The following ITGAM variants were observed in gnomAD, a reference collection of about 807,000 sequenced individuals.
ITGAM encodes the protein integrin alpha-M.
A neutral mutation model predicts 137.5 loss-of-function variants in ITGAM; 79 were observed. The ratio of observed to expected loss-of-function variants is 0.57; its 90% CI spans 0.48 to 0.69. ITGAM has a LOEUF of 0.69. Among genes scored for constraint, ITGAM ranks in the 30% least tolerant of loss-of-function variants. ITGAM has a pLI of 0.00. For missense variants in ITGAM, 1,343 were observed against 1,483.5 expected, an observed-to-expected ratio of 0.91 and a Z score of 1.56; for synonymous variants, 583 against 592.3, an observed-to-expected ratio of 0.98 and a Z score of 0.23.
chr16:31,329,073 T>TGCCCCCTC, intron 23 of ITGAM, 155 bp from the exon 24 acceptor site: 3 of 426,234 alleles, frequency 7.0e-6, no homozygotes, highest in Non-Finnish European at 1.3e-5. Context: ...ACACATTGGT[T>TGCCCCCTC]CCCCCATCCC....
chr16:31,329,582 A>G (rs1037236307), intron 24 of ITGAM, among the ~76,000 whole-genome samples: 21 of 152,082 alleles, frequency 1.4e-4, no homozygotes, highest in African/African-American at 5.1e-4. Flanking sequence ...GGTTTACAGA[A>G]CAAGCTCGAG....
chr16:31,262,065 C>G (rs1008627353), intron 2 of ITGAM, among the ~76,000 whole-genome samples: 1 of 152,176 alleles, frequency 6.6e-6, no homozygotes, highest in Non-Finnish European at 1.5e-5. Context: ...CGGGGAGACT[C>G]TGTGTGTGCA....
At chr16:31,329,082 C>T in intron 23 of ITGAM, 146 bp from the exon 24 acceptor site, 1 of 575,442 alleles carries the variant, frequency 1.7e-6, no homozygotes, top group Non-Finnish European at 3.2e-6. Flanking sequence ...TTCCCCCATC[C>T]CCCTGCACCC....
intron 7 of ITGAM, 128 bp downstream of exon 7, chr16:31,272,120 C>A: frequency 9.2e-7 from 1 of 1,091,532 alleles, no homozygotes; most frequent in Non-Finnish European, 1.4e-6. Flanking sequence ...GGTGGGGAGG[C>A]TGTGCGTGGT....
At chr16:31,302,924 CT>C (rs1423548592) in intron 14 of ITGAM, among the ~76,000 whole-genome samples, 3 of 12,640 alleles carry the variant, frequency 2.4e-4, no homozygotes, top group African/African-American at 8.9e-4. Context: ...CTCCCTCTTT[CT>C]TTCTTTCTTT....
At position 31,303,563 on chromosome 16, in the gene ITGAM, G is replaced by A. The variant is rs75019120; in HGVS notation, c.1707+5609G>A. On this transcript the variant is annotated intron_variant, in intron 14 of 29. Coordinates refer to ENST00000544665, the MANE Select transcript of ITGAM (RefSeq NM_000632.4). ...TTAGTGCACCTGTCATCAAAGCAGC[G>A]TACACTGTACCAAATATATAGTCTT... Among the ~76,000 whole-genome samples, 1,246 of 152,178 alleles carry A rather than the reference G, an allele frequency of 8.2e-3. 13 individuals are homozygous for A. Among genetic ancestry groups the A allele is most frequent in the Non-Finnish European group, 0.012 (833 of 68,016 alleles).
At chr16:31,280,164 G>A (rs1194216444) in intron 12 of ITGAM, among the ~76,000 whole-genome samples, 1 of 152,178 alleles carries the variant, frequency 6.6e-6, no homozygotes, top group African/African-American at 2.4e-5. Context: ...TTGAAGTCAG[G>A]TAGCGTGATG....
Position 31,331,749 on chromosome 16 carries a change from A to T in ITGAM, c.*42A>T. On this transcript the variant is annotated 3_prime_UTR_variant, in exon 30 of 30. Coordinates refer to ENST00000544665, the MANE Select transcript of ITGAM (RefSeq NM_000632.4). Reference sequence around the variant, plus strand: ...GAGCTGCCTCTCGGTGGCCAGCAGGACTCTGCCCAGACCACACGTAGCCCC... The same window carrying T: ...GAGCTGCCTCTCGGTGGCCAGCAGGTCTCTGCCCAGACCACACGTAGCCCC... 6.8e-7 allele frequency: 1 copy of T among 1,476,132 alleles called. No individual in the cohort carries two copies. Among genetic ancestry groups the T allele is most frequent in the East Asian group, 2.4e-5 (1 of 42,006 alleles). 91.4% of individuals were successfully genotyped at this position (1,476,132 alleles called of 1,614,324 possible).
chr16:31,331,511 C>T, intron 29 of ITGAM, 125 bp from the exon 30 acceptor site: 1 of 597,018 alleles, frequency 1.7e-6, no homozygotes, highest in Non-Finnish European at 3.0e-6. Context: ...GGATGTCACT[C>T]CCCTCCCGCC....
At chr16:31,280,786 G>C (rs1216344283) in intron 12 of ITGAM, among the ~76,000 whole-genome samples, 1 of 152,176 alleles carries the variant, frequency 6.6e-6, no homozygotes, top group Non-Finnish European at 1.5e-5. Context: ...GGGCATCTCT[G>C]TCATGTGCCA....
intron 14 of ITGAM, among the ~76,000 whole-genome samples, chr16:31,304,245 C>T (rs1054628205): frequency 1.3e-5 from 2 of 151,902 alleles, no homozygotes; most frequent in African/African-American, 2.4e-5. Context: ...ATATGTTTAT[C>T]GGCCATTTGT....
Position 31,275,508 on chromosome 16 carries a change from T to C in ITGAM, c.859-41T>C, listed in dbSNP as rs200728885. 3.6e-5 allele frequency: 58 copies of C among 1,601,604 alleles called. No individual in the cohort carries two copies. The African/African-American group carries it at 7.6e-4, about 21-fold the overall frequency. On this transcript the variant is annotated intron_variant, in intron 8 of 29. Coordinates refer to ENST00000544665, the MANE Select transcript of ITGAM (RefSeq NM_000632.4). ...AATTGTCTTTGCCAGATGATATTGC[T>C]AGCCTCACACCATGATTTAGCCTCT... is the stretch of plus-strand genomic sequence containing the variant.
rs781377496 is a variant in ITGAM, at chr16:31,275,668, C to T, written c.978C>T (p.Asn326=). 1.9e-6 allele frequency: 3 copies of T among 1,613,768 alleles called. No individual in the cohort carries two copies. The African/African-American group carries it at 4.0e-5, about 22-fold the overall frequency. Residue 326 remains asparagine, a synonymous_variant, in exon 9 of 30, where the codon AAC becomes AAT. Coordinates refer to ENST00000544665, the MANE Select transcript of ITGAM (RefSeq NM_000632.4). ...TTGAGGCTCTGAAGACCATTCAGAA[C>T]CAGCTTCGGGAGAAGATCTTTGCGA... ...NNFEALKTIQ[N]QLREKIFAIE...
chr16:31,307,948 G>A (rs2080282572), intron 14 of ITGAM, among the ~76,000 whole-genome samples: 2 of 152,188 alleles, frequency 1.3e-5, no homozygotes, highest in East Asian at 1.9e-4. Context: ...GCTGGATTAC[G>A]TTTATTGATT....
intron 14 of ITGAM, among the ~76,000 whole-genome samples, chr16:31,302,926 TTC>T (rs1015690302): frequency 7.7e-5 from 1 of 13,022 alleles, no homozygotes; most frequent in African/African-American, 2.9e-4. Flanking sequence ...CCCTCTTTCT[TTC>T]TTTCTTTCTT....
In ITGAM at chr16:31,278,048, T is replaced by C; in HGVS notation, c.1295T>C (p.Val432Ala). ...GAPRYQHIGL[V>A]AMFRQNTGMW... ...CCTCGATATCAGCACATCGGCCTGG[T>C]AGCGATGTTCAGGCAGAACACTGGC... Residue 432 changes from valine (V) to alanine (A), a missense_variant, in exon 12 of 30, where the codon GTA (valine) becomes GCA (alanine). By Grantham distance (64) the Val-to-Ala change is moderately conservative. Transcript: ENST00000544665. 2 of 1,607,886 alleles carry C rather than the reference T, an allele frequency of 1.2e-6. No individual in the cohort carries two copies. Among genetic ancestry groups the C allele is most frequent in the Non-Finnish European group, 1.7e-6 (2 of 1,177,300 alleles).
At chr16:31,266,833 G>GT (rs2079774328) in intron 5 of ITGAM, among the ~76,000 whole-genome samples, 1 of 150,656 alleles carries the variant, frequency 6.6e-6, no homozygotes, top group Non-Finnish European at 1.5e-5. Flanking sequence ...CCAAACCTCT[G>GT]TTGATTGAGA....
intron 14 of ITGAM, among the ~76,000 whole-genome samples, chr16:31,319,892 A>G (rs551817905): frequency 1.1e-4 from 16 of 151,642 alleles, no homozygotes; most frequent in Admixed American, 2.6e-4. Flanking sequence ...GGCTCACTGC[A>G]AGCTCCGCCT....
intron 14 of ITGAM, among the ~76,000 whole-genome samples, chr16:31,315,705 C>T (rs921530390): frequency 7.2e-5 from 11 of 151,760 alleles, no homozygotes; most frequent in African/African-American, 2.4e-4. Flanking sequence ...GTAATCCACC[C>T]GCCTCAGTCT....
Sources: allele counts gnomAD v4.1 joint callset (sites outside exome capture counted in the v4.1 genomes callset), GRCh38; gene constraint gnomAD v4.1.1; transcripts MANE v1.5; gene names NCBI Gene and HGNC (gene_info 2026-07-23, HGNC 2026-07-21).